ST6GAL1: variants seen among roughly 807,000 people sequenced by gnomAD.
ST6GAL1 encodes the protein beta-galactoside alpha-2,6-sialyltransferase 1.
Under a neutral mutation model 38.0 loss-of-function variants are expected in ST6GAL1, and 20 were observed. The ratio of observed to expected loss-of-function variants is 0.53; its 90% CI spans 0.37 to 0.77. The LOEUF (loss-of-function observed/expected upper bound fraction) is 0.77, where lower values mean the gene tolerates loss of function less well. ST6GAL1 is among the 30% of genes least tolerant of loss of function. The probability of loss-of-function intolerance (pLI) is 0.00; values close to 1 mark genes in which losing one functional copy is unlikely to be tolerated. For missense variants in ST6GAL1, 432 were observed against 496.4 expected (o/e 0.87, Z 1.23); for synonymous variants, 196 against 188.2 (o/e 1.04, Z -0.34).
At chr3:187,005,566 C>T (rs375281817) in intron 2 of ST6GAL1, among the ~76,000 whole-genome samples, 2 of 152,072 alleles carry the variant, frequency 1.3e-5, no homozygotes, top group African/African-American at 4.8e-5. Context: ...TGAGCCACGG[C>T]GCCCGGCATC....
chr3:186,933,008 C>G (rs993818574), intron 1 of ST6GAL1, among the ~76,000 whole-genome samples: 1 of 152,184 alleles, frequency 6.6e-6, no homozygotes, highest in Non-Finnish European at 1.5e-5. Context: ...GTCAGGTACC[C>G]GGTGAAACCC....
chr3:187,034,249 T>C (rs575775512), intron 2 of ST6GAL1, among the ~76,000 whole-genome samples: 2 of 152,202 alleles, frequency 1.3e-5, no homozygotes, highest in African/African-American at 2.4e-5. Flanking sequence ...AGTTCTGAAA[T>C]TGAGTCAGTA....
chr3:186,992,155 T>A (rs1716194269), intron 2 of ST6GAL1, among the ~76,000 whole-genome samples: 1 of 152,164 alleles, frequency 6.6e-6, no homozygotes, highest in Non-Finnish European at 1.5e-5. Context: ...CAGAATCTCA[T>A]CTTGAATTGT....
At chr3:187,058,892 T>C (rs2108593088) in intron 5 of ST6GAL1, among the ~76,000 whole-genome samples, 1 of 152,238 alleles carries the variant, frequency 6.6e-6, no homozygotes, top group African/African-American at 2.4e-5. Context: ...CCACCCACCT[T>C]GGCCTCCTGA....
chr3:187,044,288 A>C (rs904094038), intron 4 of ST6GAL1, among the ~76,000 whole-genome samples: 1 of 152,238 alleles, frequency 6.6e-6, no homozygotes, highest in African/African-American at 2.4e-5. Flanking sequence ...AAGCACAGGA[A>C]GCTTTGCTCC....
At chr3:186,990,420 C>T in intron 2 of ST6GAL1, among the ~76,000 whole-genome samples, 1 of 152,106 alleles carries the variant, frequency 6.6e-6, no homozygotes, top group East Asian at 1.9e-4. Flanking sequence ...AGAGAAACTG[C>T]CCAGCAGCAC....
intron 2 of ST6GAL1, among the ~76,000 whole-genome samples, chr3:186,983,506 G>C (rs2108538956): frequency 6.6e-6 from 1 of 152,284 alleles, no homozygotes; most frequent in Middle Eastern, 3.4e-3. Flanking sequence ...TGAGGCACTG[G>C]CGTGGACAGT....
intron 2 of ST6GAL1, among the ~76,000 whole-genome samples, chr3:186,996,235 C>A (rs1177063703): frequency 6.6e-6 from 1 of 152,194 alleles, no homozygotes; most frequent in African/African-American, 2.4e-5. Context: ...ATTTGCTTTT[C>A]CTGGGCCACT....
At chr3:186,992,054 C>T (rs1007073876) in intron 2 of ST6GAL1, among the ~76,000 whole-genome samples, 3 of 152,176 alleles carry the variant, frequency 2.0e-5, no homozygotes, top group African/African-American at 4.8e-5. Context: ...TGCTGTGGTA[C>T]GTGAAAACAG....
intron 4 of ST6GAL1, among the ~76,000 whole-genome samples, chr3:187,047,477 T>C (rs1435381318): frequency 6.6e-6 from 1 of 152,218 alleles, no homozygotes; most frequent in Non-Finnish European, 1.5e-5. Context: ...ATTTACTAAC[T>C]TGAGCTGATT....
intron 2 of ST6GAL1, among the ~76,000 whole-genome samples, chr3:186,985,289 T>A (rs955101848): frequency 8.5e-5 from 13 of 152,146 alleles, no homozygotes; most frequent in African/African-American, 3.1e-4. Flanking sequence ...TTTTAATTTG[T>A]TATATTTACG....
chr3:187,030,022 T>TA (rs1717686599), intron 2 of ST6GAL1, among the ~76,000 whole-genome samples: 1 of 152,144 alleles, frequency 6.6e-6, no homozygotes. Context: ...AGATCAGAGA[T>TA]ACAACTCTGG....
chr3:187,043,403 C>T (rs1004162298), intron 4 of ST6GAL1, 93 bp downstream of exon 4: 1 of 1,521,602 alleles, frequency 6.6e-7, no homozygotes. Flanking sequence ...AAGTGTGGCT[C>T]AGCGGACCAG....
At chr3:186,934,481 G>T (rs1433673288) in intron 1 of ST6GAL1, among the ~76,000 whole-genome samples, 2 of 152,086 alleles carry the variant, frequency 1.3e-5, no homozygotes, top group African/African-American at 4.8e-5. Context: ...AGAATCGCTG[G>T]AGCCTGGGAG....
intron 2 of ST6GAL1, among the ~76,000 whole-genome samples, chr3:187,029,202 G>A (rs964659157): frequency 7.9e-5 from 12 of 152,052 alleles, no homozygotes; most frequent in African/African-American, 2.7e-4. Context: ...GTCAGGTCAC[G>A]GCTGCTTGAC....
intron 2 of ST6GAL1, among the ~76,000 whole-genome samples, chr3:187,029,088 T>TAAAAAAAAAAAAAAAAA (rs56166685): frequency 1.6e-4 from 17 of 105,960 alleles, no homozygotes; most frequent in African/African-American, 3.9e-4. Flanking sequence ...ACCTTGTCTC[T>TAAAAAAAAAAAAAAAAA]AAAAAAAAAA....
chr3:187,019,001 CT>C (rs1214945636), intron 2 of ST6GAL1, among the ~76,000 whole-genome samples: 1 of 152,192 alleles, frequency 6.6e-6, no homozygotes, highest in African/African-American at 2.4e-5. Context: ...TTATGCTAAA[CT>C]TTTATCAACT....
chr3:186,965,203 G>A (rs1166523368), intron 2 of ST6GAL1, among the ~76,000 whole-genome samples: 1 of 152,142 alleles, frequency 6.6e-6, no homozygotes, highest in Non-Finnish European at 1.5e-5. Flanking sequence ...TTCCTTCCCG[G>A]AAAAGTCACG....
intron 2 of ST6GAL1, among the ~76,000 whole-genome samples, chr3:186,966,791 T>C (rs759045580): frequency 2.6e-5 from 4 of 152,190 alleles, no homozygotes; most frequent in Non-Finnish European, 5.9e-5. Flanking sequence ...CCCCGCCAGT[T>C]AGAAGCAACA....
Sources: gnomAD v4.1 joint callset for allele counts (sites outside exome capture counted in the v4.1 genomes callset) on GRCh38, gnomAD v4.1.1 for gene constraint, MANE v1.5 for transcripts, NCBI Gene and HGNC (gene_info 2026-07-23, HGNC 2026-07-21) for gene names.